GCSH: variants seen among roughly 807,000 people sequenced by gnomAD.
The protein encoded by GCSH is glycine cleavage system H protein, mitochondrial.
A neutral mutation model predicts 21.3 loss-of-function variants in GCSH; 15 were observed. The observed-to-expected ratio is 0.70, with a 90% confidence interval of 0.47 to 1.08. GCSH has a LOEUF of 1.08. Ranked by LOEUF, GCSH falls within the 50% of genes least tolerant of loss-of-function variation. The probability of loss-of-function intolerance (pLI) is 0.00; values close to 1 mark genes in which losing one functional copy is unlikely to be tolerated. For missense variants in GCSH, 179 were observed against 217.5 expected, an observed-to-expected ratio of 0.82 and a Z score of 1.11; for synonymous variants, 59 against 84.5, an observed-to-expected ratio of 0.70 and a Z score of 1.66.
At chr16:81,090,329 G>A (rs1171732293) in intron 2 of GCSH, among the ~76,000 whole-genome samples, 1 of 151,800 alleles carries the variant, frequency 6.6e-6, no homozygotes, top group African/African-American at 2.4e-5. Flanking sequence ...CGACCCTCCT[G>A]CCTTAGCCTC....
chr16:81,095,109 A>G (rs990265282), intron 1 of GCSH, among the ~76,000 whole-genome samples: 16 of 152,136 alleles, frequency 1.1e-4, no homozygotes, highest in African/African-American at 3.1e-4. Context: ...AAGAAAAAAA[A>G]AAAAAAAGAA....
At chr16:81,090,926 A>G in intron 1 of GCSH, 4 of 572,912 alleles carry the variant, frequency 7.0e-6, no homozygotes, top group Non-Finnish European at 1.3e-5. Flanking sequence ...AGATTGGATT[A>G]TCTGCTTTAA....
At chr16:81,087,898 G>A (rs1416874011) in intron 2 of GCSH, among the ~76,000 whole-genome samples, 17 of 152,066 alleles carry the variant, frequency 1.1e-4, no homozygotes, top group Admixed American at 1.1e-3. Context: ...CCCAAAGTGG[G>A]TGTTATCACA....
At chr16:81,085,102 C>T (rs1251026300) in intron 3 of GCSH, among the ~76,000 whole-genome samples, 1 of 142,258 alleles carries the variant, frequency 7.0e-6, no homozygotes, top group Non-Finnish European at 1.5e-5. Context: ...GCCACCTCTG[C>T]CTCCCGGGTT....
At position 81,082,330 on chromosome 16, in the gene GCSH, A is replaced by G. The variant is rs900049010; in HGVS notation, c.*536T>C. 1 of 440,840 alleles carries G rather than the reference A, an allele frequency of 2.3e-6. No individual in the cohort carries two copies. The highest frequency in any genetic ancestry group is 2.0e-5 in the African/African-American group (1 of 49,352). The allele number at this position is 440,840 out of a possible 1,614,324, so 27.3% of individuals were successfully genotyped here. A position where few individuals can be genotyped will look rare whatever the true frequency, so the allele number is the denominator to read the frequency against. ...AACATCAAAACAAACATGATTAACG[A>G]AGAAGTATTTTATTATTTTGCTGCA... On this transcript the variant is annotated 3_prime_UTR_variant, in exon 5 of 5. Transcript: ENST00000315467.
intron 1 of GCSH, 31 bp downstream of exon 1, chr16:81,096,100 G>A: frequency 8.0e-7 from 1 of 1,242,446 alleles, no homozygotes; most frequent in Non-Finnish European, 1.0e-6. Context: ...GGCGGGGAGG[G>A]AGCAGCCGCC....
intron 1 of GCSH, 38 bp downstream of exon 1, chr16:81,096,093 G>C (rs943933022): frequency 8.1e-6 from 10 of 1,237,866 alleles, no homozygotes; most frequent in Admixed American, 8.5e-5. Context: ...CAGCCCAGGC[G>C]GGGAGGGAGC....
At chr16:81,093,123 C>CAA (rs58955612) in intron 1 of GCSH, among the ~76,000 whole-genome samples, 8 of 69,430 alleles carry the variant, frequency 1.2e-4, no homozygotes, top group African/African-American at 5.2e-5. Context: ...ACTTCATCTC[C>CAA]AAAAAAAAAA....
chr16:81,086,376 C>T (rs1337267467), intron 3 of GCSH, among the ~76,000 whole-genome samples: 11 of 151,988 alleles, frequency 7.2e-5, no homozygotes, highest in African/African-American at 2.7e-4. Flanking sequence ...CTACCAAAAC[C>T]TCGAAATAAA....
chr16:81,090,837 T>C (rs1597168629), intron 1 of GCSH, 157 bp from the exon 2 acceptor site: 3 of 692,520 alleles, frequency 4.3e-6, no homozygotes, highest in East Asian at 5.4e-5. Flanking sequence ...ATGAAGATCA[T>C]GTATAGAGAT....
At chr16:81,093,345 T>C (rs191465348) in intron 1 of GCSH, among the ~76,000 whole-genome samples, 2 of 152,262 alleles carry the variant, frequency 1.3e-5, no homozygotes, top group East Asian at 1.9e-4. Flanking sequence ...CTACCTTCTT[T>C]GACCTTGCCA....
At chr16:81,091,240 T>C (rs1261254419) in intron 1 of GCSH, 1 of 367,978 alleles carries the variant, frequency 2.7e-6, no homozygotes, top group East Asian at 7.6e-5. Flanking sequence ...AACTATAATT[T>C]GACTAAGTTC....
intron 4 of GCSH, 146 bp from the exon 5 acceptor site, chr16:81,083,109 G>T: frequency 2.9e-6 from 2 of 692,180 alleles, no homozygotes; most frequent in South Asian, 1.6e-5. Context: ...TTAAATTTTA[G>T]CCTTAAGAAT....
chr16:81,089,257 G>A (rs1444896925), intron 2 of GCSH, among the ~76,000 whole-genome samples: 1 of 152,232 alleles, frequency 6.6e-6, no homozygotes, highest in African/African-American at 2.4e-5. Flanking sequence ...TGGAATACTC[G>A]CATTATACTT....
At position 81,090,185 on chromosome 16, in the gene GCSH, G is replaced by C. The variant is rs1972369746; in HGVS notation, c.228+416C>G. Among the ~76,000 whole-genome samples the C allele has an allele frequency of 4.0e-5, 6 of 151,500 alleles. 1 individual carries two copies. Among genetic ancestry groups the C allele is most frequent in the Admixed American group, 4.0e-4 (6 of 15,154 alleles). ...GGCTTACTGCAACTTCTGCCTCCCA[G>C]GTTCAAGTGATTCTTCTGTCTCAGC... On this transcript the variant is annotated intron_variant, in intron 2 of 4. Coordinates refer to ENST00000315467, the MANE Select transcript of GCSH (RefSeq NM_004483.5).
intron 1 of GCSH, among the ~76,000 whole-genome samples, chr16:81,094,085 A>G (rs1179804034): frequency 6.6e-6 from 1 of 151,930 alleles, no homozygotes; most frequent in East Asian, 2.0e-4. Context: ...TTTTTGGTAG[A>G]GACAGGGTTT....
chr16:81,091,120 AT>A (rs779848978), intron 1 of GCSH: 58 of 453,654 alleles, frequency 1.3e-4, no homozygotes, highest in Middle Eastern at 4.0e-4. Flanking sequence ...AAAAAAAAAA[AT>A]AACAGTAATA....
At chr16:81,088,396 T>C (rs550352514) in intron 2 of GCSH, among the ~76,000 whole-genome samples, 1 of 152,184 alleles carries the variant, frequency 6.6e-6, no homozygotes, top group Admixed American at 6.6e-5. Context: ...GACTGCTAGC[T>C]CTTTGTTTTA....
At chr16:81,084,901 G>C (rs1418436648) in intron 3 of GCSH, among the ~76,000 whole-genome samples, 2 of 150,886 alleles carry the variant, frequency 1.3e-5, no homozygotes, top group East Asian at 3.9e-4. Context: ...ATTTGTAGTA[G>C]AGACGGGGTT....
Sources: allele counts gnomAD v4.1 joint callset (sites outside exome capture counted in the v4.1 genomes callset), GRCh38; gene constraint gnomAD v4.1.1; transcripts MANE v1.5; gene names NCBI Gene and HGNC (gene_info 2026-07-23, HGNC 2026-07-21).